Variants in AKAP12 observed in about 807,000 individuals in gnomAD.
AKAP12 encodes A-kinase anchoring protein 12.
In AKAP12, 32 loss-of-function variants were observed where a neutral mutation model predicts 79.9. The observed-to-expected ratio is 0.40, with a 90% CI of 0.30 to 0.54. The LOEUF (loss-of-function observed/expected upper bound fraction) is 0.54. AKAP12 is among the 20% of genes least tolerant of loss of function. The probability of loss-of-function intolerance (pLI) is 0.48; values close to 1 mark genes in which losing one functional copy is unlikely to be tolerated. For synonymous variants in AKAP12, 808 were observed against 857.0 expected (o/e 0.94, Z 1.00); for missense variants, 2,074 against 2,177.0 (o/e 0.95, Z 0.94).
intron 3 of AKAP12, among the ~76,000 whole-genome samples, chr6:151,342,671 A>G (rs967826515): frequency 3.3e-5 from 5 of 152,188 alleles, no homozygotes; most frequent in Non-Finnish European, 7.3e-5. Context: ...AAATTTTTCT[A>G]TATACATTTT....
At chr6:151,292,515 A>G (rs1319210809) in intron 2 of AKAP12, among the ~76,000 whole-genome samples, 1 of 152,216 alleles carries the variant, frequency 6.6e-6, no homozygotes, top group Non-Finnish European at 1.5e-5. Flanking sequence ...CAAGTCCCAC[A>G]GTTTGCCCTC....
intron 2 of AKAP12, among the ~76,000 whole-genome samples, chr6:151,269,606 A>G (rs1776132501): frequency 6.6e-6 from 1 of 152,176 alleles, no homozygotes; most frequent in Non-Finnish European, 1.5e-5. Flanking sequence ...GAGCAGATAC[A>G]TTTACCCCAG....
intron 3 of AKAP12, among the ~76,000 whole-genome samples, chr6:151,331,652 G>A (rs1237210243): frequency 2.6e-5 from 4 of 152,090 alleles, no homozygotes; most frequent in African/African-American, 4.8e-5. Context: ...TTGGGAGGCC[G>A]AGGTGGGTAG....
chr6:151,303,914 A>T (rs1303786939), intron 2 of AKAP12, among the ~76,000 whole-genome samples: 2 of 152,102 alleles, frequency 1.3e-5, no homozygotes, highest in African/African-American at 4.8e-5. Context: ...AAAACGCTGG[A>T]AATAGTTGGT....
intron 3 of AKAP12, among the ~76,000 whole-genome samples, chr6:151,346,202 C>T (rs2114817656): frequency 6.6e-6 from 1 of 152,212 alleles, no homozygotes; most frequent in East Asian, 1.9e-4. Flanking sequence ...TTCCTTAAAT[C>T]TCTTAATTTA....
At chr6:151,327,114 C>G (rs1169822788) in intron 3 of AKAP12, among the ~76,000 whole-genome samples, 1 of 129,118 alleles carries the variant, frequency 7.7e-6, no homozygotes, top group African/African-American at 3.5e-5. Context: ...CGCACCTGGC[C>G]TACATTTTTT....
chr6:151,299,750 T>C (rs575609684), intron 2 of AKAP12, among the ~76,000 whole-genome samples: 14 of 96,060 alleles, frequency 1.5e-4, no homozygotes, highest in African/African-American at 4.2e-4. Flanking sequence ...TGATAGACAT[T>C]TAAGGGTTTT....
chr6:151,341,044 G>T (rs368012195), intron 3 of AKAP12, among the ~76,000 whole-genome samples: 21 of 139,412 alleles, frequency 1.5e-4, no homozygotes, highest in South Asian at 4.7e-4. Flanking sequence ...GTTTGTTTTT[G>T]TTTCTTTTTT....
intron 3 of AKAP12, among the ~76,000 whole-genome samples, chr6:151,308,237 G>C (rs1281711824): frequency 6.6e-6 from 1 of 151,222 alleles, no homozygotes; most frequent in Non-Finnish European, 1.5e-5. Flanking sequence ...TTTTGAGACA[G>C]GGTCTTGCTG....
intron 2 of AKAP12, among the ~76,000 whole-genome samples, chr6:151,292,247 GA>G (rs2114738026): frequency 6.6e-6 from 1 of 152,300 alleles, no homozygotes; most frequent in East Asian, 1.9e-4. Flanking sequence ...TACTGAAAAG[GA>G]GACAAGCAAT....
chr6:151,337,850 CA>C (rs1777856157), intron 3 of AKAP12, among the ~76,000 whole-genome samples: 1 of 152,004 alleles, frequency 6.6e-6, no homozygotes, highest in Non-Finnish European at 1.5e-5. Context: ...CAAGGCCAGC[CA>C]TGGCAAAATC....
intron 3 of AKAP12, chr6:151,325,696 CG>C (rs1777506127): frequency 6.9e-7 from 1 of 1,453,506 alleles, no homozygotes; most frequent in Admixed American, 2.6e-5. Context: ...GCGGCAGCTC[CG>C]AGGGCACCTC....
At chr6:151,313,136 A>G (rs1777155444) in intron 3 of AKAP12, among the ~76,000 whole-genome samples, 1 of 152,192 alleles carries the variant, frequency 6.6e-6, no homozygotes, top group South Asian at 2.1e-4. Context: ...TGACAAAGCC[A>G]GACCCTTTCC....
At position 151,349,971 on chromosome 6, in the gene AKAP12, A is replaced by C. The variant is rs1438634379; in HGVS notation, c.1580A>C (p.Lys527Thr). The change falls in exon 4 of 5, where the codon AAG becomes ACG. Residue 527 changes from lysine to threonine, a missense_variant. Physicochemically the swap from Lys to Thr is moderately conservative, Grantham distance 78. Coordinates refer to ENST00000402676, the MANE Select transcript of AKAP12 (RefSeq NM_005100.4). ...CTTTTTACCAGCACTGGCTTAAAAA[A>C]GCTTTCTGGAAAGAAACAGAAAGGG... ...KKLFTSTGLK[K>T]LSGKKQKGKR... is the part of the protein sequence containing the mutation. 1 of 1,614,062 alleles carries C rather than the reference A, an allele frequency of 6.2e-7. No individual in the cohort carries two copies. Among genetic ancestry groups the C allele is most frequent in the Non-Finnish European group, 8.5e-7 (1 of 1,180,028 alleles).
intron 3 of AKAP12, among the ~76,000 whole-genome samples, chr6:151,339,536 C>T (rs1777896124): frequency 6.9e-6 from 1 of 144,598 alleles, no homozygotes; most frequent in Non-Finnish European, 1.5e-5. Flanking sequence ...TATCAACATT[C>T]CCCACCAGAA....
At chr6:151,277,237 G>A (rs1009674894) in intron 2 of AKAP12, among the ~76,000 whole-genome samples, 4 of 152,194 alleles carry the variant, frequency 2.6e-5, no homozygotes, top group African/African-American at 9.6e-5. Flanking sequence ...GAGGTTGCAA[G>A]ATACTTTTGT....
intron 3 of AKAP12, chr6:151,324,567 A>C: frequency 1.0e-6 from 1 of 985,356 alleles, no homozygotes; most frequent in Non-Finnish European, 1.2e-6. Flanking sequence ...TCCCTGCCCC[A>C]AGCAATAATG....
Position 151,351,896 on chromosome 6 carries a change from A to G in AKAP12, c.3505A>G (p.Ser1169Gly), listed in dbSNP as rs1222762363. ...PPDSVETPTDSETDGSTPVAD... is the reference protein window; with the variant it reads ...PPDSVETPTDGETDGSTPVAD... ...TGACTCGGTGGAAACCCCTACAGAC[A>G]GTGAGACTGATGGAAGCACCCCCGT... The change falls in exon 4 of 5, where the codon AGT becomes GGT. Residue 1169 changes from serine to glycine, a missense_variant. Physicochemically the swap from Ser to Gly is moderately conservative, Grantham distance 56. Transcript: ENST00000402676. The surrounding 1 kb of genome is among the most constrained non-coding windows in gnomAD (Gnocchi z 4.4). The G allele has an allele frequency of 8.1e-6, 13 of 1,614,128 alleles. No individual in the cohort carries two copies. The highest frequency in any genetic ancestry group is 1.6e-4 in the Middle Eastern group (1 of 6,062).
intron 2 of AKAP12, among the ~76,000 whole-genome samples, chr6:151,247,132 G>A (rs1240310792): frequency 1.3e-5 from 2 of 151,862 alleles, no homozygotes; most frequent in Non-Finnish European, 2.9e-5. Context: ...GCCAGGTGTG[G>A]GGGCTCACAC....
Sources: allele counts gnomAD v4.1 joint callset (sites outside exome capture counted in the v4.1 genomes callset), GRCh38; gene constraint gnomAD v4.1.1; non-coding constraint Gnocchi (gnomAD v3.1); transcripts MANE v1.5; gene names NCBI Gene and HGNC (gene_info 2026-07-23, HGNC 2026-07-21).